CELSR1: variants seen among roughly 807,000 people sequenced by gnomAD.
CELSR1 encodes cadherin EGF LAG seven-pass G-type receptor 1, also known as adhesion G protein-coupled receptor C1.
A neutral mutation model predicts 249.1 loss-of-function variants in CELSR1; 110 were observed. The observed-to-expected ratio is 0.44, with a 90% CI of 0.38 to 0.52. The LOEUF is 0.52. CELSR1 is among the 20% of genes least tolerant of loss of function. The probability of loss-of-function intolerance (pLI) is 0.00; values close to 1 mark genes in which losing one functional copy is unlikely to be tolerated. For synonymous variants in CELSR1, 2,113 were observed against 1,900.0 expected (o/e 1.11, Z -2.92); for missense variants, 4,109 against 4,296.4 (o/e 0.96, Z 1.22).
chr22:46,455,735 G>A (rs903991491), intron 2 of CELSR1, among the ~76,000 whole-genome samples: 2 of 152,220 alleles, frequency 1.3e-5, no homozygotes, highest in African/African-American at 4.8e-5. Context: ...CTGGTGGGCT[G>A]TGCCTGCACA....
chr22:46,374,298 C>T lies in CELSR1; in HGVS notation c.7585-1241G>A, dbSNP rs185284919. Reference sequence around the variant, plus strand: ...TCAAGTAATGCGAAAAGTAAACCCACGAAACCACCTTTTGAAAACAAAGTG... The same window carrying T: ...TCAAGTAATGCGAAAAGTAAACCCATGAAACCACCTTTTGAAAACAAAGTG... On this transcript the variant is annotated intron_variant, in intron 24 of 34. Coordinates refer to ENST00000674500, the MANE Select transcript of CELSR1 (RefSeq NM_001378328.1). The surrounding 1 kb of genome is among the most constrained non-coding windows in gnomAD (Gnocchi z 4.3). 1.7e-4 allele frequency among the ~76,000 whole-genome samples: 26 copies of T among 152,350 alleles called. No individual in the cohort carries two copies. In the East Asian group the frequency reaches 1.9e-3, roughly 11 times the overall value.
chr22:46,388,257 G>A (rs1344910172), intron 18 of CELSR1, among the ~76,000 whole-genome samples: 1 of 152,082 alleles, frequency 6.6e-6, no homozygotes, highest in Admixed American at 6.5e-5. Flanking sequence ...GCTGAGGCAG[G>A]AGAATTGCTT....
At chr22:46,462,498 G>A (rs372479406) in intron 2 of CELSR1, among the ~76,000 whole-genome samples, 2 of 152,246 alleles carry the variant, frequency 1.3e-5, no homozygotes, top group South Asian at 2.1e-4. Flanking sequence ...TTATAAGCTC[G>A]ATAAACTTGT....
chr22:46,377,241 C>T lies in CELSR1; in HGVS notation c.7404G>A (p.Leu2468=), dbSNP rs766039634. ...ACACAGCGGCATAGGTGACAATCTT[C>T]AGAGGCAGGACCTCCCCGTTCTATG... ...SRRENGEVLP[L]KIVTYAAVSL... Residue 2468 remains leucine (L), a synonymous_variant, in exon 24 of 35, where the codon CTG becomes CTA. Coordinates refer to ENST00000674500, the MANE Select transcript of CELSR1 (RefSeq NM_001378328.1). The T allele has an allele frequency of 1.2e-6, 2 of 1,613,880 alleles. No homozygotes were observed. The highest frequency in any genetic ancestry group is 3.3e-5 in the Admixed American group (2 of 60,008).
In CELSR1 at chr22:46,427,288, C is replaced by G. The variant is rs2079547526; in HGVS notation, c.4611+6105G>C. ...CAGTGGCTTATGCCTGTAATCCTAA[C>G]TGTTTGGGAGGCCAAGGCAGGGAGA... On this transcript the variant is annotated intron_variant, in intron 5 of 34. Coordinates refer to ENST00000674500, the MANE Select transcript of CELSR1 (RefSeq NM_001378328.1). The surrounding 1 kb of genome is among the most constrained non-coding windows in gnomAD (Gnocchi z 4.2). 6.6e-6 allele frequency among the ~76,000 whole-genome samples: 1 copy of G among 152,212 alleles called. No individual in the cohort carries two copies.
intron 24 of CELSR1, among the ~76,000 whole-genome samples, chr22:46,376,421 C>A (rs2078918738): frequency 6.6e-6 from 1 of 152,206 alleles, no homozygotes; most frequent in Non-Finnish European, 1.5e-5. Flanking sequence ...ATTGCCCAGG[C>A]TGGAGTGCAG....
chr22:46,397,184 A>T (rs145068108), intron 12 of CELSR1, among the ~76,000 whole-genome samples: 6 of 151,200 alleles, frequency 4.0e-5, no homozygotes, highest in African/African-American at 1.5e-4. Context: ...GCTCACTGGA[A>T]CCTTTGCCTA....
At chr22:46,421,375 T>C (rs372182782) in intron 5 of CELSR1, among the ~76,000 whole-genome samples, 1 of 152,000 alleles carries the variant, frequency 6.6e-6, no homozygotes, top group African/African-American at 2.4e-5. Flanking sequence ...GGAAGCAACC[T>C]CAGCCGGGCG....
In CELSR1 at chr22:46,534,228, G is replaced by C; in HGVS notation, c.2943C>G (p.Ala981=). 1 of 1,613,780 alleles carries C rather than the reference G, an allele frequency of 6.2e-7. No homozygotes were observed. The highest frequency in any genetic ancestry group is 1.1e-5 in the South Asian group (1 of 91,086). The part of the protein sequence containing the change: ...VDRGSPTPLS[A]SVEIQVTILD... ...AGATGGTCACCTGGATTTCTACCGA[G>C]GCGCTAAGGGGAGTGGGACTGCCCC... Residue 981 remains alanine, a synonymous_variant, in exon 1 of 35, where the codon GCC becomes GCG. Coordinates refer to ENST00000674500, the MANE Select transcript of CELSR1 (RefSeq NM_001378328.1). This position sits in a 1 kb window ranked among gnomAD's most constrained non-coding sequence, Gnocchi z 9.7.
In CELSR1 at chr22:46,427,253, C is replaced by T. The variant is rs186187806; in HGVS notation, c.4611+6140G>A. 6.4e-4 allele frequency among the ~76,000 whole-genome samples: 98 copies of T among 152,300 alleles called. No homozygotes were observed. The highest frequency in any genetic ancestry group is 2.1e-3 in the African/African-American group (86 of 41,584). On this transcript the variant is annotated intron_variant, in intron 5 of 34. Transcript: ENST00000674500. This position sits in a 1 kb window ranked among gnomAD's most constrained non-coding sequence, Gnocchi z 4.2. ...CACCCTCCACTAAAAGAACCAGGCT[C>T]GGCCAGGTGCAGTGGCTTATGCCTG...
In CELSR1 at chr22:46,519,607, G is replaced by A. The variant is rs118158331; in HGVS notation, c.3544+14020C>T. On this transcript the variant is annotated intron_variant, in intron 1 of 34. Transcript: ENST00000674500. Reference sequence around the variant, plus strand: ...GCCCAGCTGGTCTCCCTTCCTGGGCGGGGTTGGGAGGTGCCCAAGACATCC... The same window carrying A: ...GCCCAGCTGGTCTCCCTTCCTGGGCAGGGTTGGGAGGTGCCCAAGACATCC... 6.1e-3 allele frequency among the ~76,000 whole-genome samples: 925 copies of A among 152,264 alleles called. 7 individuals carry two copies. The highest frequency in any genetic ancestry group is 0.011 in the Non-Finnish European group (747 of 68,010).
At chr22:46,416,108 G>GTGGGGGGGC (rs1555913214) in intron 5 of CELSR1, among the ~76,000 whole-genome samples, 1 of 127,570 alleles carries the variant, frequency 7.8e-6, no homozygotes, top group Non-Finnish European at 1.8e-5. Flanking sequence ...GTTGCAGAGG[G>GTGGGGGGGC]GGGCGGATAA....
intron 2 of CELSR1, among the ~76,000 whole-genome samples, chr22:46,451,832 G>A (rs1433122109): frequency 6.6e-6 from 1 of 152,212 alleles, no homozygotes; most frequent in African/African-American, 2.4e-5. Flanking sequence ...GTGCAATTAA[G>A]TTAAGGATCT....
In CELSR1 at chr22:46,398,250, G is replaced by A. The variant is rs972536540; in HGVS notation, c.5526+274C>T. On this transcript the variant is annotated intron_variant, in intron 11 of 34. Transcript: ENST00000674500. The surrounding 1 kb of genome is among the most constrained non-coding windows in gnomAD (Gnocchi z 7.2). ...GGGTGGGGGTGGCGGCAAGGGGCTC[G>A]ATTCAGGACACTTCACAAAGGCAGA... 6.6e-6 allele frequency among the ~76,000 whole-genome samples: 1 copy of A among 152,108 alleles called. No homozygotes were observed. The highest frequency in any genetic ancestry group is 1.5e-5 in the Non-Finnish European group (1 of 68,008).
In CELSR1 at chr22:46,398,495, T is replaced by TG; in HGVS notation, c.5526+28_5526+29insC. On this transcript the variant is annotated intron_variant, in intron 11 of 34. Coordinates refer to ENST00000674500, the MANE Select transcript of CELSR1 (RefSeq NM_001378328.1). The surrounding 1 kb of genome is among the most constrained non-coding windows in gnomAD (Gnocchi z 7.2). ...CGGAGCTGCCTGTGAGGGGCAGGCC[T>TG]CCCCCCGCCCCCCACAACCCCCACG... 5 of 1,506,156 alleles carry TG rather than the reference T, an allele frequency of 3.3e-6. No individual in the cohort carries two copies. Among genetic ancestry groups the TG allele is most frequent in the Non-Finnish European group, 4.6e-6 (5 of 1,098,514 alleles). The allele number at this position is 1,506,156 out of a possible 1,614,324, so 93.3% of individuals were successfully genotyped here.
chr22:46,479,015 C>G (rs187124697), intron 1 of CELSR1, among the ~76,000 whole-genome samples: 3 of 151,856 alleles, frequency 2.0e-5, no homozygotes, highest in African/African-American at 7.2e-5. Flanking sequence ...TCTAAAAGTG[C>G]TATCCAGCAC....
chr22:46,415,905 T>C (rs967709376), intron 5 of CELSR1, among the ~76,000 whole-genome samples: 6 of 152,130 alleles, frequency 3.9e-5, no homozygotes, highest in Non-Finnish European at 8.8e-5. Context: ...GCTCAGATCA[T>C]CCATTTTTGT....
chr22:46,370,037 G>A (rs1157562428), intron 25 of CELSR1: 4 of 618,864 alleles, frequency 6.5e-6, no homozygotes, highest in South Asian at 4.6e-5. Context: ...GGCCCCATGA[G>A]GCAGGGGGCG....
chr22:46,485,098 G>A (rs1240463471), intron 1 of CELSR1, among the ~76,000 whole-genome samples: 2 of 152,100 alleles, frequency 1.3e-5, no homozygotes, highest in African/African-American at 2.4e-5. Context: ...AGGCCTCCCC[G>A]TGAAAACACT....
Sources: allele counts gnomAD v4.1 joint callset (sites outside exome capture counted in the v4.1 genomes callset), GRCh38; gene constraint gnomAD v4.1.1; non-coding constraint Gnocchi (gnomAD v3.1); transcripts MANE v1.5; gene names NCBI Gene and HGNC (gene_info 2026-07-23, HGNC 2026-07-21).